The following RALGAPA1 variants were observed in gnomAD, a reference collection of about 807,000 sequenced individuals.
The protein encoded by RALGAPA1 is Ral GTPase activating protein catalytic subunit alpha 1.
In RALGAPA1, 52 loss-of-function variants were observed where a neutral mutation model predicts 269.6. The ratio of observed to expected loss-of-function variants is 0.19; its 90% CI spans 0.15 to 0.24. The LOEUF (loss-of-function observed/expected upper bound fraction) is 0.24, where lower values mean the gene tolerates loss of function less well. Ranked by LOEUF, RALGAPA1 falls within the 10% of genes least tolerant of loss-of-function variation. RALGAPA1 has a pLI of 1.00. For missense variants in RALGAPA1, 1,917 were observed against 3,013.9 expected (o/e 0.64, Z 8.52); for synonymous variants, 817 against 1,008.3 (o/e 0.81, Z 3.60).
intron 16 of RALGAPA1, among the ~76,000 whole-genome samples, chr14:35,703,288 T>C (rs939161077): frequency 2.0e-5 from 3 of 152,112 alleles, no homozygotes; most frequent in Non-Finnish European, 4.4e-5. Flanking sequence ...CCTGGGCAAC[T>C]GAGGGAGACC....
chr14:35,554,173 G>C (rs186473542), intron 39 of RALGAPA1, among the ~76,000 whole-genome samples: 13 of 152,130 alleles, frequency 8.5e-5, no homozygotes, highest in Admixed American at 7.9e-4. Flanking sequence ...GAGCAGATTA[G>C]AGTAAATTAT....
At chr14:35,769,022 AAAAAAAAAAAAAAATATATATATAT>A (rs1346967860) in intron 4 of RALGAPA1, among the ~76,000 whole-genome samples, 6 of 97,438 alleles carry the variant, frequency 6.2e-5, no homozygotes, top group African/African-American at 2.8e-4. Context: ...AAAAAAAAAA[AAAAAAAAAAAAAAATATATATATAT>A]ATATATATAT....
intron 39 of RALGAPA1, among the ~76,000 whole-genome samples, chr14:35,555,819 A>G (rs1259462077): frequency 6.6e-6 from 1 of 152,202 alleles, no homozygotes; most frequent in African/African-American, 2.4e-5. Flanking sequence ...TAATAGTCCA[A>G]TGCTCTCTCT....
chr14:35,712,542 T>C (rs1182197318), intron 16 of RALGAPA1, among the ~76,000 whole-genome samples: 5 of 152,218 alleles, frequency 3.3e-5, no homozygotes, highest in Non-Finnish European at 7.3e-5. Context: ...TGGAACTTGC[T>C]CTGTCACCCA....
intron 35 of RALGAPA1, among the ~76,000 whole-genome samples, chr14:35,623,806 G>A (rs140394574): frequency 0.015 from 2,322 of 152,260 alleles, 27 homozygotes; most frequent in Non-Finnish European, 0.024. Context: ...TAGGCCGGGC[G>A]CGGTGGCTCA....
At chr14:35,635,019 A>T (rs1247346025) in intron 32 of RALGAPA1, among the ~76,000 whole-genome samples, 1 of 151,998 alleles carries the variant, frequency 6.6e-6, no homozygotes, top group Non-Finnish European at 1.5e-5. Flanking sequence ...AAAAATACAA[A>T]AATTAGCCAG....
intron 12 of RALGAPA1, among the ~76,000 whole-genome samples, chr14:35,733,694 C>A (rs750139511): frequency 6.6e-6 from 1 of 151,772 alleles, no homozygotes; most frequent in Non-Finnish European, 1.5e-5. Flanking sequence ...CAAACCCAAA[C>A]CCAGCAGAAG....
At chr14:35,540,004 G>T (rs932971527) in intron 41 of RALGAPA1, among the ~76,000 whole-genome samples, 1 of 152,114 alleles carries the variant, frequency 6.6e-6, no homozygotes, top group Non-Finnish European at 1.5e-5. Context: ...CAGCATGCAG[G>T]GAAGGGGTCA....
chr14:35,563,966 T>C (rs2139347266), intron 39 of RALGAPA1, among the ~76,000 whole-genome samples: 1 of 152,322 alleles, frequency 6.6e-6, no homozygotes. Context: ...CGATTTCTAC[T>C]GAACAGTGTA....
chr14:35,581,711 AT>A (rs2057963111), intron 37 of RALGAPA1, among the ~76,000 whole-genome samples: 1 of 152,134 alleles, frequency 6.6e-6, no homozygotes, highest in South Asian at 2.1e-4. Context: ...GGCTATAATT[AT>A]TTTTTTAAAA....
intron 37 of RALGAPA1, among the ~76,000 whole-genome samples, chr14:35,578,062 C>T (rs919019337): frequency 5.3e-5 from 8 of 152,066 alleles, no homozygotes; most frequent in Non-Finnish European, 1.2e-4. Context: ...CCATATCCAC[C>T]TTCTTTCATT....
intron 1 of RALGAPA1, among the ~76,000 whole-genome samples, chr14:35,778,963 C>T (rs1017206995): frequency 6.6e-6 from 1 of 152,098 alleles, no homozygotes; most frequent in African/African-American, 2.4e-5. Context: ...AATTTAGGTA[C>T]AGAGAGTCTA....
chr14:35,667,781 A>G (rs2064070713), intron 26 of RALGAPA1, among the ~76,000 whole-genome samples: 1 of 152,216 alleles, frequency 6.6e-6, no homozygotes. Context: ...GAACTTCCAT[A>G]TGATCCAGCA....
intron 16 of RALGAPA1, among the ~76,000 whole-genome samples, chr14:35,714,811 T>G (rs919594827): frequency 6.6e-6 from 1 of 152,178 alleles, no homozygotes; most frequent in Non-Finnish European, 1.5e-5. Flanking sequence ...AGCAAAGTAT[T>G]TTAAGCTTTT....
chr14:35,584,120 T>C lies in RALGAPA1; in HGVS notation c.7210-11402A>G, dbSNP rs1038356315. Among the ~76,000 whole-genome samples, 4 of 152,318 alleles carry C rather than the reference T, an allele frequency of 2.6e-5. No individual in the cohort carries two copies. In the East Asian group the frequency reaches 7.7e-4, roughly 29 times the overall value. On this transcript the variant is annotated intron_variant, in intron 37 of 41. Transcript: ENST00000680220. ...ATAGTTTAATAATAGCAGCAATGTA[T>C]TTGAATATGTATGCTCATATTCATA...
intron 17 of RALGAPA1, among the ~76,000 whole-genome samples, chr14:35,692,789 T>C (rs1010980824): frequency 2.0e-5 from 3 of 152,002 alleles, no homozygotes; most frequent in African/African-American, 4.8e-5. Flanking sequence ...TCAATACAAA[T>C]GGCACTTGAA....
intron 35 of RALGAPA1, among the ~76,000 whole-genome samples, chr14:35,619,923 A>G (rs1205864270): frequency 7.9e-5 from 12 of 152,250 alleles, no homozygotes; most frequent in African/African-American, 2.9e-4. Flanking sequence ...ACGGATTCAC[A>G]GCCAAATTCT....
At chr14:35,575,052 T>C (rs1290418838) in intron 37 of RALGAPA1, among the ~76,000 whole-genome samples, 1 of 150,838 alleles carries the variant, frequency 6.6e-6, no homozygotes, top group Non-Finnish European at 1.5e-5. Context: ...TCCTTGAACC[T>C]GGGAGGCAGA....
chr14:35,614,174 C>T (rs2060115075), intron 35 of RALGAPA1, among the ~76,000 whole-genome samples: 1 of 152,062 alleles, frequency 6.6e-6, no homozygotes. Flanking sequence ...GTTTGCAGTT[C>T]CTCCAATGGT....
Sources: allele counts gnomAD v4.1 joint callset (sites outside exome capture counted in the v4.1 genomes callset), GRCh38; gene constraint gnomAD v4.1.1; transcripts MANE v1.5; gene names NCBI Gene and HGNC (gene_info 2026-07-23, HGNC 2026-07-21).